The following NEBL variants were observed in gnomAD, a reference collection of about 807,000 sequenced individuals.
The protein encoded by NEBL is LIM and SH3 protein 2.
In NEBL, 122 loss-of-function variants were observed where a neutral mutation model predicts 140.2. The ratio of observed to expected loss-of-function variants is 0.87; its 90% confidence interval spans 0.75 to 1.01. The LOEUF (loss-of-function observed/expected upper bound fraction) is 1.01. Ranked by LOEUF, NEBL falls within the 50% of genes least tolerant of loss-of-function variation. The pLI, the probability that NEBL is intolerant of heterozygous loss-of-function variation, is 0.00. For synonymous variants in NEBL, 436 were observed against 398.9 expected (o/e 1.09, Z -1.11); for missense variants, 1,365 against 1,231.3 (o/e 1.11, Z -1.62).
At chr10:20,884,209 A>G (rs573544840) in intron 4 of NEBL, among the ~76,000 whole-genome samples, 1 of 152,330 alleles carries the variant, frequency 6.6e-6, no homozygotes, top group South Asian at 2.1e-4. Flanking sequence ...ATGTACATTT[A>G]TGTTTCACTT....
chr10:20,871,992 T>C (rs2131258205), intron 5 of NEBL, among the ~76,000 whole-genome samples: 1 of 152,316 alleles, frequency 6.6e-6, no homozygotes, highest in South Asian at 2.1e-4. Flanking sequence ...CAAGACTAAC[T>C]GTTTCTAAGT....
chr10:21,044,599 T>C lies in NEBL; in HGVS notation c.165-24398A>G, dbSNP rs116212108. 1.1e-4 allele frequency among the ~76,000 whole-genome samples: 16 copies of C among 152,164 alleles called. 1 individual carries two copies. The highest frequency in any genetic ancestry group is 3.6e-4 in the African/African-American group (15 of 41,524). ...AAGAGAAAATAAATTCACATGGCTG[T>C]TCACAGATTCTTCCCACCACACTGA... On this transcript the variant is annotated intron_variant, in intron 2 of 6. Coordinates refer to the NEBL transcript ENST00000417816.
intron 3 of NEBL, among the ~76,000 whole-genome samples, chr10:21,234,643 C>T (rs969812009): frequency 6.6e-6 from 1 of 152,176 alleles, no homozygotes; most frequent in Non-Finnish European, 1.5e-5. Context: ...GTTAATCCCC[C>T]TCTCTCTGCT....
chr10:21,107,955 T>C (rs1260261027), intron 2 of NEBL, among the ~76,000 whole-genome samples: 2 of 152,232 alleles, frequency 1.3e-5, no homozygotes, highest in East Asian at 1.9e-4. Flanking sequence ...TTTATTTGCA[T>C]AGAGTTATTT....
In NEBL at chr10:20,866,276, G is replaced by C. The variant is rs565767812; in HGVS notation, c.684+2388C>G. Reference sequence around the variant, plus strand: ...GAGTTTCACTTTTACAGGATGAAAAGAGTCCTGGAGATGGATGGTGGTGAG... The same window carrying C: ...GAGTTTCACTTTTACAGGATGAAAACAGTCCTGGAGATGGATGGTGGTGAG... On this transcript the variant is annotated intron_variant, in intron 7 of 27. Coordinates refer to ENST00000377122, the MANE Select transcript of NEBL (RefSeq NM_006393.3). Among the ~76,000 whole-genome samples the C allele has an allele frequency of 3.5e-4, 54 of 152,198 alleles. 1 individual carries two copies. Among genetic ancestry groups the C allele is most frequent in the African/African-American group, 1.3e-3 (52 of 41,544 alleles).
intron 1 of NEBL, among the ~76,000 whole-genome samples, chr10:21,268,180 G>A (rs181088681): frequency 8.1e-4 from 123 of 152,224 alleles, no homozygotes; most frequent in African/African-American, 2.8e-3. Context: ...TCAAGACTGC[G>A]GCAACTGAAG....
chr10:21,255,666 A>C (rs926599425), intron 1 of NEBL, among the ~76,000 whole-genome samples: 2 of 152,148 alleles, frequency 1.3e-5, no homozygotes, highest in Non-Finnish European at 2.9e-5. Context: ...TAACTATGAT[A>C]AATCTTCAGC....
At chr10:20,980,530 G>A (rs1295650895) in intron 3 of NEBL, among the ~76,000 whole-genome samples, 1 of 152,190 alleles carries the variant, frequency 6.6e-6, no homozygotes, top group Admixed American at 6.5e-5. Context: ...TACATATATA[G>A]CGTGCATGGT....
chr10:21,226,295 C>CAG (rs1452181792), intron 3 of NEBL, among the ~76,000 whole-genome samples: 1 of 151,638 alleles, frequency 6.6e-6, no homozygotes, highest in Non-Finnish European at 1.5e-5. Flanking sequence ...TCTCCTCAAG[C>CAG]AGAAGGAAGG....
chr10:21,132,644 A>G (rs965327541), intron 2 of NEBL, among the ~76,000 whole-genome samples: 1 of 152,124 alleles, frequency 6.6e-6, no homozygotes, highest in African/African-American at 2.4e-5. Context: ...TCTCACCAAC[A>G]TTTGTTATTG....
At chr10:21,200,415 G>A in intron 3 of NEBL, among the ~76,000 whole-genome samples, 1 of 135,554 alleles carries the variant, frequency 7.4e-6, no homozygotes, top group East Asian at 2.4e-4. Context: ...CTGGGTTCAA[G>A]CAATTCTCCT....
intron 6 of NEBL, among the ~76,000 whole-genome samples, chr10:20,869,537 G>C (rs1312670367): frequency 6.6e-6 from 1 of 152,060 alleles, no homozygotes; most frequent in Non-Finnish European, 1.5e-5. Flanking sequence ...ACTAACCACA[G>C]CCAATTTGAG....
chr10:20,984,732 C>T (rs1272331531), intron 3 of NEBL, among the ~76,000 whole-genome samples: 1 of 152,024 alleles, frequency 6.6e-6, no homozygotes, highest in Admixed American at 6.5e-5. Flanking sequence ...GGTCCCCAAC[C>T]CCCAGGCCAC....
At chr10:21,027,414 A>G (rs535029944) in intron 2 of NEBL, among the ~76,000 whole-genome samples, 2 of 151,324 alleles carry the variant, frequency 1.3e-5, no homozygotes, top group Admixed American at 6.6e-5. Context: ...CGCAGCCTCG[A>G]CCTCCTGGAC....
In NEBL at chr10:20,858,227, A is replaced by T. The variant is rs780937421; in HGVS notation, c.903+13T>A. ...ACAAGGCAACTACGGTTGCCGCTAG[A>T]TGAACCACTTACGCCGCTGAGCATT... On this transcript the variant is annotated intron_variant, in intron 9 of 27. Transcript: ENST00000377122. 7 of 1,575,416 alleles carry T rather than the reference A, an allele frequency of 4.4e-6. No homozygotes were observed. In the Admixed American group the frequency reaches 8.3e-5, roughly 19 times the overall value.
chr10:21,116,695 A>T (rs888393788), intron 2 of NEBL, among the ~76,000 whole-genome samples: 2 of 151,918 alleles, frequency 1.3e-5, no homozygotes, highest in Non-Finnish European at 2.9e-5. Context: ...TTTTGGAGAC[A>T]AGGTCTTGCT....
chr10:20,836,615 C>A (rs982211819), intron 13 of NEBL, among the ~76,000 whole-genome samples: 1 of 152,040 alleles, frequency 6.6e-6, no homozygotes, highest in South Asian at 2.1e-4. Context: ...GAAGAGCATG[C>A]GCTGGGGTGG....
intron 2 of NEBL, among the ~76,000 whole-genome samples, chr10:21,078,362 T>C (rs1301368223): frequency 2.0e-5 from 3 of 152,230 alleles, no homozygotes; most frequent in African/African-American, 7.2e-5. Flanking sequence ...CAACGAACAC[T>C]TTTATGATCA....
At chr10:20,979,475 G>A (rs1350882601) in intron 3 of NEBL, among the ~76,000 whole-genome samples, 2 of 152,120 alleles carry the variant, frequency 1.3e-5, no homozygotes, top group Non-Finnish European at 2.9e-5. Flanking sequence ...TTTCTTACAT[G>A]TAATGTATTT....
Sources: allele counts gnomAD v4.1 joint callset (sites outside exome capture counted in the v4.1 genomes callset), GRCh38; gene constraint gnomAD v4.1.1; transcripts MANE v1.5; gene names NCBI Gene and HGNC (gene_info 2026-07-23, HGNC 2026-07-21).